The following DACH1 variants were observed in gnomAD, a reference collection of about 807,000 sequenced individuals.
DACH1 encodes the protein dachshund family transcription factor 1.
Under a neutral mutation model 54.2 loss-of-function variants are expected in DACH1, and 12 were observed. The observed-to-expected ratio is 0.22, with a 90% confidence interval of 0.14 to 0.36. The LOEUF is 0.36. Among genes scored for constraint, DACH1 ranks in the 10% least tolerant of loss-of-function variants. The pLI, the probability that DACH1 is intolerant of heterozygous loss-of-function variation, is 1.00. For synonymous variants in DACH1, 386 were observed against 366.2 expected (o/e 1.05, Z -0.62); for missense variants, 805 against 929.8 (o/e 0.87, Z 1.75).
At chr13:71,706,855 A>T (rs893935097) in intron 1 of DACH1, among the ~76,000 whole-genome samples, 1 of 152,220 alleles carries the variant, frequency 6.6e-6, no homozygotes, top group South Asian at 2.1e-4. Context: ...TCTCACATTT[A>T]TAATGAATCT....
Position 71,805,066 on chromosome 13 carries a change from C to T in DACH1, c.848+60856G>A, listed in dbSNP as rs548557295. On this transcript the variant is annotated intron_variant, in intron 1 of 10. Coordinates refer to ENST00000613252, the MANE Select transcript of DACH1 (RefSeq NM_080759.6). ...TTTAGCTCTTCAATTATACTTGCCACATTTCAAGTGCTCAATACTCACATG... is the reference window on the plus strand; with the variant it reads ...TTTAGCTCTTCAATTATACTTGCCATATTTCAAGTGCTCAATACTCACATG... Among the ~76,000 whole-genome samples, 6 of 152,266 alleles carry T rather than the reference C, an allele frequency of 3.9e-5. No homozygotes were observed. In the South Asian group the frequency reaches 1.0e-3, roughly 26 times the overall value.
intron 1 of DACH1, among the ~76,000 whole-genome samples, chr13:71,843,300 C>T (rs1873005600): frequency 2.0e-5 from 3 of 152,074 alleles, no homozygotes; most frequent in Admixed American, 2.0e-4. Flanking sequence ...GGGTCTTACC[C>T]TGTCACCCAG....
chr13:71,676,689 G>T (rs549031971), intron 2 of DACH1, among the ~76,000 whole-genome samples: 1 of 152,246 alleles, frequency 6.6e-6, no homozygotes, highest in Admixed American at 6.5e-5. Flanking sequence ...TTCACTACAT[G>T]AGAACATTTT....
intron 3 of DACH1, among the ~76,000 whole-genome samples, chr13:71,610,729 T>C (rs934383221): frequency 1.3e-5 from 2 of 152,104 alleles, no homozygotes; most frequent in Admixed American, 1.3e-4. Context: ...GTGTTTGGGG[T>C]GCAAAGAGTT....
At chr13:71,550,897 A>G (rs557252623) in intron 6 of DACH1, among the ~76,000 whole-genome samples, 61 of 152,266 alleles carry the variant, frequency 4.0e-4, no homozygotes, top group African/African-American at 1.4e-3. Flanking sequence ...ATATGCCAAC[A>G]AAAGATATAT....
chr13:71,526,706 G>GTATATATA lies in DACH1; in HGVS notation c.1570+30310_1570+30317dup, dbSNP rs36030987. 2.8e-5 allele frequency among the ~76,000 whole-genome samples: 4 copies of GTATATATA among 144,282 alleles called. No individual in the cohort carries two copies. In the South Asian group the frequency reaches 8.7e-4, roughly 31 times the overall value. The allele number at this position is 144,282 out of a possible 152,430, so 94.7% of individuals were successfully genotyped here. Reference sequence around the variant, plus strand: ...TGATCATACATACATATGTGTGTGTGTATATATATATATATATATAGGTAT... The same window carrying GTATATATA: ...TGATCATACATACATATGTGTGTGTGTATATATATATATATATATATATATATAGGTAT... On this transcript the variant is annotated intron_variant, in intron 6 of 10. Coordinates refer to ENST00000613252, the MANE Select transcript of DACH1 (RefSeq NM_080759.6).
intron 6 of DACH1, among the ~76,000 whole-genome samples, chr13:71,495,257 T>G (rs1029775647): frequency 1.3e-5 from 2 of 152,122 alleles, no homozygotes; most frequent in African/African-American, 4.8e-5. Context: ...AAAACAGATC[T>G]GGGAGTTTCC....
intron 2 of DACH1, among the ~76,000 whole-genome samples, chr13:71,666,854 T>C (rs1157164759): frequency 6.6e-6 from 1 of 152,048 alleles, no homozygotes; most frequent in Admixed American, 6.6e-5. Context: ...TGGTGGTGTG[T>C]GCCTGTAATC....
chr13:71,648,277 T>C (rs1036584056), intron 2 of DACH1, among the ~76,000 whole-genome samples: 1 of 152,114 alleles, frequency 6.6e-6, no homozygotes, highest in South Asian at 2.1e-4. Flanking sequence ...TTAAAATTGG[T>C]GGTAACATTT....
intron 1 of DACH1, among the ~76,000 whole-genome samples, chr13:71,775,993 G>T (rs1016561301): frequency 3.3e-5 from 5 of 151,984 alleles, no homozygotes; most frequent in Non-Finnish European, 7.4e-5. Context: ...TGAATTTAAG[G>T]CATGACTCAA....
chr13:71,750,896 A>G (rs1337815064), intron 1 of DACH1, among the ~76,000 whole-genome samples: 51 of 152,198 alleles, frequency 3.4e-4, no homozygotes, highest in Admixed American at 3.3e-3. Context: ...GAAATTCTTG[A>G]TGACTAACAT....
intron 10 of DACH1, among the ~76,000 whole-genome samples, chr13:71,448,296 T>C (rs1306752580): frequency 6.6e-6 from 1 of 152,198 alleles, no homozygotes; most frequent in Non-Finnish European, 1.5e-5. Context: ...GAATCTGAGG[T>C]TAATATAAAA....
chr13:71,468,963 G>T (rs1043854583), intron 10 of DACH1, among the ~76,000 whole-genome samples: 1 of 152,120 alleles, frequency 6.6e-6, no homozygotes, highest in Non-Finnish European at 1.5e-5. Context: ...ACACTGTTTT[G>T]GACTTTTTGG....
intron 1 of DACH1, among the ~76,000 whole-genome samples, chr13:71,836,845 T>C (rs1888805670): frequency 6.6e-6 from 1 of 152,104 alleles, no homozygotes; most frequent in Admixed American, 6.6e-5. Flanking sequence ...GTTAATTCTT[T>C]ATTGCCTCCC....
chr13:71,524,928 C>A (rs566334248), intron 6 of DACH1, among the ~76,000 whole-genome samples: 3 of 152,024 alleles, frequency 2.0e-5, no homozygotes, highest in East Asian at 3.9e-4. Flanking sequence ...CATTACTGTG[C>A]GCAGGCATAA....
intron 6 of DACH1, among the ~76,000 whole-genome samples, chr13:71,543,879 CAAG>C (rs1304693445): frequency 3.3e-5 from 5 of 152,260 alleles, no homozygotes; most frequent in African/African-American, 1.2e-4. Context: ...TAAGATTCCC[CAAG>C]AAGAACCACA....
intron 1 of DACH1, among the ~76,000 whole-genome samples, chr13:71,842,868 T>C (rs772953851): frequency 1.1e-4 from 17 of 152,200 alleles, no homozygotes; most frequent in Non-Finnish European, 2.5e-4. Flanking sequence ...TTCTTCTGAC[T>C]TGTCAATTGG....
At chr13:71,455,303 TATATC>T (rs1875460094) in intron 10 of DACH1, among the ~76,000 whole-genome samples, 1 of 152,134 alleles carries the variant, frequency 6.6e-6, no homozygotes, top group African/African-American at 2.4e-5. Context: ...GATAGATAGA[TATATC>T]ATATATCTAT....
At chr13:71,501,486 G>A (rs1879910444) in intron 6 of DACH1, among the ~76,000 whole-genome samples, 1 of 152,104 alleles carries the variant, frequency 6.6e-6, no homozygotes, top group African/African-American at 2.4e-5. Flanking sequence ...TTAAAAATAT[G>A]TACAGATTAC....
Sources: gnomAD v4.1 joint callset for allele counts (sites outside exome capture counted in the v4.1 genomes callset) on GRCh38, gnomAD v4.1.1 for gene constraint, MANE v1.5 for transcripts, NCBI Gene and HGNC (gene_info 2026-07-23, HGNC 2026-07-21) for gene names.